DCAF17: variants seen among roughly 807,000 people sequenced by gnomAD.
DCAF17 encodes the protein DDB1- and CUL4-associated factor 17.
DCAF17 carries 48 observed loss-of-function variants against 66.0 expected under a neutral mutation model. The ratio of observed to expected loss-of-function variants is 0.73; its 90% CI spans 0.58 to 0.92. The LOEUF (loss-of-function observed/expected upper bound fraction) is 0.92, where lower values mean the gene tolerates loss of function less well. Ranked by LOEUF, DCAF17 falls within the 40% of genes least tolerant of loss-of-function variation. The pLI, the probability that DCAF17 is intolerant of heterozygous loss-of-function variation, is 0.00. For synonymous variants in DCAF17, 206 were observed against 214.6 expected (o/e 0.96, Z 0.35); for missense variants, 562 against 622.8 (o/e 0.90, Z 1.04).
intron 6 of DCAF17, among the ~76,000 whole-genome samples, chr2:171,453,578 G>T (rs1158150878): frequency 6.6e-6 from 1 of 152,014 alleles, no homozygotes; most frequent in African/African-American, 2.4e-5. Flanking sequence ...TTAATTGCAA[G>T]ATATAGGTCT....
chr2:171,463,204 T>A (rs1394485573), intron 8 of DCAF17, among the ~76,000 whole-genome samples: 1 of 146,578 alleles, frequency 6.8e-6, no homozygotes, highest in Non-Finnish European at 1.5e-5. Flanking sequence ...CACTCCAGCC[T>A]GGGCGATGGA....
At chr2:171,435,225 C>G in intron 2 of DCAF17, 39 bp downstream of exon 2, 1 of 1,420,554 alleles carries the variant, frequency 7.0e-7, no homozygotes. Context: ...ATTCACCTCA[C>G]TGTTGATCTT....
At chr2:171,451,915 C>T (rs1362352456) in intron 5 of DCAF17, among the ~76,000 whole-genome samples, 2 of 152,110 alleles carry the variant, frequency 1.3e-5, no homozygotes, top group Non-Finnish European at 2.9e-5. Flanking sequence ...TTTACCATCA[C>T]CTGATAATGT....
intron 2 of DCAF17, among the ~76,000 whole-genome samples, chr2:171,436,367 C>G (rs1403307004): frequency 1.3e-5 from 2 of 152,160 alleles, no homozygotes; most frequent in African/African-American, 4.8e-5. Flanking sequence ...TAAGATTATA[C>G]TGTAACTGCG....
intron 8 of DCAF17, among the ~76,000 whole-genome samples, chr2:171,465,271 A>C (rs986399314): frequency 6.6e-6 from 1 of 152,036 alleles, no homozygotes; most frequent in African/African-American, 2.4e-5. Context: ...CTTAGTGTAC[A>C]GCCCAGTAAG....
At position 171,484,867 on chromosome 2, in the gene DCAF17, CATA is replaced by C. The variant is rs1696887291; in HGVS notation, c.*3756_*3758del. 1 of 453,846 alleles carries C rather than the reference CATA, an allele frequency of 2.2e-6. No homozygotes were observed. Among genetic ancestry groups the C allele is most frequent in the Non-Finnish European group, 4.4e-6 (1 of 226,710 alleles). The allele number at this position is 453,846 out of a possible 1,614,324, so 28.1% of individuals were successfully genotyped here. On this transcript the variant is annotated 3_prime_UTR_variant, in exon 14 of 14. Coordinates refer to ENST00000375255, the MANE Select transcript of DCAF17 (RefSeq NM_025000.4). ...AAAATGTAATGCTTCTTTCACTTAG[CATA>C]ATGTTTTTGAGATTTATTCATGTTG...
intron 3 of DCAF17, chr2:171,447,514 C>CA (rs990855119): frequency 6.2e-5 from 11 of 176,968 alleles, no homozygotes; most frequent in Non-Finnish European, 1.2e-4. Context: ...GCAAGCACCG[C>CA]AACGCCCAGC....
intron 8 of DCAF17, among the ~76,000 whole-genome samples, chr2:171,460,430 G>A (rs1035148736): frequency 1.3e-5 from 2 of 151,194 alleles, no homozygotes; most frequent in Non-Finnish European, 1.5e-5. Context: ...TTTTTAGAAA[G>A]AAGACTGGAT....
rs1696770506 is a variant in DCAF17, at chr2:171,482,155, A to G, written c.*1041A>G. The G allele has an allele frequency of 2.2e-6, 1 of 450,020 alleles. No individual in the cohort carries two copies. 27.9% of individuals were successfully genotyped at this position (450,020 alleles called of 1,614,324 possible). A position where few individuals can be genotyped will look rare whatever the true frequency, so the allele number is the denominator to read the frequency against. ...TTAGAATGTTAAATAAAGGCAACCC[A>G]AGTAAAGGGAGAAAATGTTTCTTTG... On this transcript the variant is annotated 3_prime_UTR_variant, in exon 14 of 14. Coordinates refer to ENST00000375255, the MANE Select transcript of DCAF17 (RefSeq NM_025000.4).
chr2:171,479,579 G>T (rs971049447), intron 12 of DCAF17: 16 of 181,802 alleles, frequency 8.8e-5, no homozygotes, highest in Admixed American at 3.3e-4. Flanking sequence ...TGTATGATGG[G>T]TTATCCGTCC....
chr2:171,463,271 A>G (rs534060640), intron 8 of DCAF17, among the ~76,000 whole-genome samples: 157 of 151,538 alleles, frequency 1.0e-3, no homozygotes, highest in African/African-American at 3.5e-3. Flanking sequence ...GCACTGGTAT[A>G]GGATAATTTC....
At chr2:171,441,405 G>A (rs902027193) in intron 2 of DCAF17, among the ~76,000 whole-genome samples, 1 of 151,998 alleles carries the variant, frequency 6.6e-6, no homozygotes, top group East Asian at 1.9e-4. Flanking sequence ...TAGAACTACT[G>A]TTTTCTAAGG....
chr2:171,452,461 A>ATATT (rs959036906), intron 5 of DCAF17, among the ~76,000 whole-genome samples: 12 of 152,066 alleles, frequency 7.9e-5, no homozygotes, highest in African/African-American at 2.4e-4. Context: ...CTTTCATTAT[A>ATATT]TATTTATTTA....
At chr2:171,448,915 T>A in intron 4 of DCAF17, 98 bp downstream of exon 4, 1 of 1,099,278 alleles carries the variant, frequency 9.1e-7, no homozygotes, top group Non-Finnish European at 1.4e-6. Context: ...AGTTTTCTAA[T>A]CCATTACCAG....
At chr2:171,461,695 T>TCCG (rs1695596210) in intron 8 of DCAF17, among the ~76,000 whole-genome samples, 1 of 152,172 alleles carries the variant, frequency 6.6e-6, no homozygotes, top group African/African-American at 2.4e-5. Context: ...ATGCACCCAT[T>TCCG]TTAACTGTAC....
At chr2:171,452,292 T>C (rs1371850207) in intron 5 of DCAF17, among the ~76,000 whole-genome samples, 3 of 152,088 alleles carry the variant, frequency 2.0e-5, no homozygotes, top group African/African-American at 7.2e-5. Context: ...CAAAACTGTA[T>C]TGGAGAAGTA....
intron 4 of DCAF17, among the ~76,000 whole-genome samples, 192 bp from the exon 5 acceptor site, chr2:171,449,687 G>A (rs1178586441): frequency 6.6e-6 from 1 of 152,034 alleles, no homozygotes; most frequent in African/African-American, 2.4e-5. Context: ...AATTATGTAT[G>A]TATTTAAATA....
At chr2:171,453,961 A>G (rs1695099609) in intron 6 of DCAF17, among the ~76,000 whole-genome samples, 1 of 152,188 alleles carries the variant, frequency 6.6e-6, no homozygotes, top group Non-Finnish European at 1.5e-5. Flanking sequence ...AAAGAGTAAT[A>G]TTAGTTACCG....
rs182757225 is a variant in DCAF17, at chr2:171,462,687, C to G, written c.838+4210C>G. 8.5e-5 allele frequency among the ~76,000 whole-genome samples: 13 copies of G among 152,136 alleles called. No homozygotes were observed. The East Asian group carries it at 2.5e-3, about 29-fold the overall frequency. On this transcript the variant is annotated intron_variant, in intron 8 of 13. Transcript: ENST00000375255. ...TTTTAAATGCGTGTACTCCTTGAAC[C>G]CAGCAACTTCAGTACTAGGAATTTA...
Sources: gnomAD v4.1 joint callset for allele counts (sites outside exome capture counted in the v4.1 genomes callset) on GRCh38, gnomAD v4.1.1 for gene constraint, MANE v1.5 for transcripts, NCBI Gene and HGNC (gene_info 2026-07-23, HGNC 2026-07-21) for gene names.